Variants in LRRC4C observed in about 807,000 individuals in gnomAD.
LRRC4C encodes leucine-rich repeat-containing protein 4C.
In LRRC4C, 5 loss-of-function variants were observed where a neutral mutation model predicts 33.6. The ratio of observed to expected loss-of-function variants is 0.15; its 90% CI spans 0.08 to 0.31. LRRC4C has a LOEUF of 0.31. LRRC4C is among the 10% of genes least tolerant of loss of function. The probability of loss-of-function intolerance (pLI) is 1.00; values close to 1 mark genes in which losing one functional copy is unlikely to be tolerated. For missense variants in LRRC4C, 560 were observed against 796.7 expected (o/e 0.70, Z 3.58); for synonymous variants, 329 against 302.0 (o/e 1.09, Z -0.93).
intron 1 of LRRC4C, among the ~76,000 whole-genome samples, chr11:40,989,678 G>A (rs531617686): frequency 6.6e-6 from 1 of 152,106 alleles, no homozygotes; most frequent in East Asian, 1.9e-4. Context: ...TTTTGTGGGT[G>A]GGGGAGATTT....
intron 6 of LRRC4C, among the ~76,000 whole-genome samples, chr11:40,136,663 T>G (rs1450686445): frequency 6.6e-6 from 1 of 152,142 alleles, no homozygotes; most frequent in African/African-American, 2.4e-5. Context: ...ATACTAAAAC[T>G]TCTATTTGTA....
intron 2 of LRRC4C, among the ~76,000 whole-genome samples, chr11:40,912,240 A>G (rs1230411789): frequency 3.3e-5 from 5 of 152,110 alleles, no homozygotes; most frequent in African/African-American, 1.2e-4. Context: ...AAGACACATA[A>G]TTGTCAGATT....
chr11:41,264,750 A>G (rs1591101745), intron 1 of LRRC4C, among the ~76,000 whole-genome samples: 2 of 152,312 alleles, frequency 1.3e-5, no homozygotes, highest in African/African-American at 4.8e-5. Context: ...AAGGAGCTTA[A>G]AACAGAGGTA....
chr11:40,147,553 G>T (rs752871243), intron 5 of LRRC4C, among the ~76,000 whole-genome samples: 24 of 151,904 alleles, frequency 1.6e-4, no homozygotes, highest in Admixed American at 7.9e-4. Flanking sequence ...AGCAGAGACT[G>T]TTCTAGACAC....
At chr11:40,218,578 CTATGTATGTATG>C (rs71060947) in intron 5 of LRRC4C, among the ~76,000 whole-genome samples, 3,972 of 115,538 alleles carry the variant, frequency 0.034, 216 homozygotes, top group African/African-American at 0.1. Flanking sequence ...GATGAAGAAT[CTATGTATGTATG>C]TATGTATGTA....
At chr11:40,680,215 C>G (rs552228295) in intron 2 of LRRC4C, among the ~76,000 whole-genome samples, 1 of 152,156 alleles carries the variant, frequency 6.6e-6, no homozygotes, top group Non-Finnish European at 1.5e-5. Context: ...TACCAAATAC[C>G]TGTGTCCCCA....
intron 3 of LRRC4C, among the ~76,000 whole-genome samples, chr11:40,572,634 G>C (rs1958028966): frequency 6.6e-6 from 1 of 152,112 alleles, no homozygotes; most frequent in Non-Finnish European, 1.5e-5. Flanking sequence ...TAAAAAATGA[G>C]GCAAATTCCT....
chr11:40,747,525 C>T (rs192195402), intron 2 of LRRC4C, among the ~76,000 whole-genome samples: 29 of 151,702 alleles, frequency 1.9e-4, no homozygotes, highest in Admixed American at 5.9e-4. Flanking sequence ...ATGTCACCAC[C>T]GAAGGAGCGT....
chr11:40,953,313 G>T (rs1026540313), intron 1 of LRRC4C, among the ~76,000 whole-genome samples: 6 of 151,808 alleles, frequency 4.0e-5, no homozygotes, highest in Non-Finnish European at 7.4e-5. Context: ...TATTATCAAG[G>T]TTTTTCATTT....
At chr11:41,431,813 C>A (rs1955246687) in intron 1 of LRRC4C, among the ~76,000 whole-genome samples, 1 of 152,198 alleles carries the variant, frequency 6.6e-6, no homozygotes. Context: ...TATTTAAGAG[C>A]ATTCCATTAT....
At chr11:40,586,689 A>G (rs1231220191) in intron 3 of LRRC4C, among the ~76,000 whole-genome samples, 1 of 150,310 alleles carries the variant, frequency 6.7e-6, no homozygotes, top group Admixed American at 6.7e-5. Context: ...AGCTTTCTAC[A>G]TATGGCCAGC....
intron 2 of LRRC4C, among the ~76,000 whole-genome samples, chr11:40,830,204 G>A (rs1952348872): frequency 6.6e-6 from 1 of 152,092 alleles, no homozygotes; most frequent in Non-Finnish European, 1.5e-5. Flanking sequence ...GTTGAATATG[G>A]ATGAATATTC....
Position 41,051,563 on chromosome 11 carries a change from A to G in LRRC4C, c.-495-117840T>C, listed in dbSNP as rs1261049055. On this transcript the variant is annotated intron_variant, in intron 1 of 6. Coordinates refer to ENST00000528697, the MANE Select transcript of LRRC4C (RefSeq NM_001258419.2). ...AAAAAAAAAAAAAAAAGGAAAAATT[A>G]GTTATATTCTAATGGCTTTTTCTGA... Among the ~76,000 whole-genome samples the G allele has an allele frequency of 2.8e-5, 4 of 142,952 alleles. No individual in the cohort carries two copies. In the South Asian group the frequency reaches 6.6e-4, roughly 24 times the overall value. The allele number at this position is 142,952 out of a possible 152,430, so 93.8% of individuals were successfully genotyped here.
intron 4 of LRRC4C, among the ~76,000 whole-genome samples, chr11:40,280,758 A>G (rs1391078329): frequency 6.6e-6 from 1 of 152,148 alleles, no homozygotes; most frequent in Non-Finnish European, 1.5e-5. Context: ...CAATTAACAT[A>G]TCGCCACAAC....
At chr11:40,792,201 T>C (rs992415636) in intron 2 of LRRC4C, among the ~76,000 whole-genome samples, 17 of 152,114 alleles carry the variant, frequency 1.1e-4, no homozygotes, top group African/African-American at 3.9e-4. Context: ...CATGTTTCAT[T>C]ATTTTTGTCC....
intron 2 of LRRC4C, among the ~76,000 whole-genome samples, chr11:40,794,039 T>A (rs920308496): frequency 7.2e-5 from 11 of 152,162 alleles, no homozygotes; most frequent in Non-Finnish European, 1.3e-4. Context: ...GGCTTCTTTT[T>A]CTTTGTGAGA....
chr11:40,734,156 C>T lies in LRRC4C; in HGVS notation c.-406-85878G>A, dbSNP rs73473349. 5.1e-3 allele frequency among the ~76,000 whole-genome samples: 776 copies of T among 152,056 alleles called. 11 individuals are homozygous for T. The highest frequency in any genetic ancestry group is 0.018 in the African/African-American group (752 of 41,490). On this transcript the variant is annotated intron_variant, in intron 2 of 6. Transcript: ENST00000528697. ...TGTTTAAGATATCCTAAAATCAATG[C>T]TTTTTAAAAAAATATAGGGAGGTGA...
At chr11:41,403,236 G>T (rs1649777487) in intron 1 of LRRC4C, among the ~76,000 whole-genome samples, 1 of 151,982 alleles carries the variant, frequency 6.6e-6, no homozygotes, top group African/African-American at 2.4e-5. Flanking sequence ...AAGTATATCA[G>T]CCATGTTTCA....
rs567630631 is a variant in LRRC4C at position 40,406,433 on chromosome 11, T to C, written c.-269-86712A>G. On this transcript the variant is annotated intron_variant, in intron 3 of 6. Transcript: ENST00000528697. ...TTGTCTCTTTAGCTAAATGATAAATTCTGTGACTGAAAAGTATCAATGTCA... is the reference window on the plus strand; with the variant it reads ...TTGTCTCTTTAGCTAAATGATAAATCCTGTGACTGAAAAGTATCAATGTCA... Among the ~76,000 whole-genome samples the C allele has an allele frequency of 4.6e-5, 7 of 152,262 alleles. No homozygotes were observed. The East Asian group carries it at 1.4e-3, about 29-fold the overall frequency.
Sources: gnomAD v4.1 joint callset for allele counts (sites outside exome capture counted in the v4.1 genomes callset) on GRCh38, gnomAD v4.1.1 for gene constraint, MANE v1.5 for transcripts, NCBI Gene and HGNC (gene_info 2026-07-23, HGNC 2026-07-21) for gene names.